The following GPC6 variants were observed in gnomAD, a reference collection of about 807,000 sequenced individuals.
The protein encoded by GPC6 is glypican-6.
GPC6 carries 14 observed loss-of-function variants against 55.2 expected under a neutral mutation model. The observed-to-expected ratio is 0.25, with a 90% CI of 0.17 to 0.40. The LOEUF (loss-of-function observed/expected upper bound fraction) is 0.40, where lower values mean the gene tolerates loss of function less well. Among genes scored for constraint, GPC6 ranks in the 10% least tolerant of loss-of-function variants. GPC6 has a pLI of 1.00. For missense variants in GPC6, 641 were observed against 708.5 expected, an observed-to-expected ratio of 0.90 and a Z score of 1.08; for synonymous variants, 278 against 259.6, an observed-to-expected ratio of 1.07 and a Z score of -0.68.
intron 5 of GPC6, among the ~76,000 whole-genome samples, chr13:94,295,136 A>C (rs1237854380): frequency 6.6e-6 from 1 of 152,190 alleles, no homozygotes; most frequent in Non-Finnish European, 1.5e-5. Flanking sequence ...TTTTGACATG[A>C]GACTGACATG....
At chr13:93,374,046 G>A (rs1874785226) in intron 1 of GPC6, among the ~76,000 whole-genome samples, 1 of 152,052 alleles carries the variant, frequency 6.6e-6, no homozygotes, top group South Asian at 2.1e-4. Flanking sequence ...GACATCTAGT[G>A]GATCATCAGA....
intron 1 of GPC6, among the ~76,000 whole-genome samples, chr13:93,444,746 T>C (rs1877939088): frequency 6.6e-6 from 1 of 152,262 alleles, no homozygotes; most frequent in African/African-American, 2.4e-5. Flanking sequence ...AAGCTTTGAA[T>C]ATCACATTGT....
At chr13:93,921,685 G>C (rs1029303771) in intron 3 of GPC6, among the ~76,000 whole-genome samples, 2 of 151,466 alleles carry the variant, frequency 1.3e-5, no homozygotes, top group African/African-American at 4.9e-5. Context: ...GGAGCCTGGG[G>C]CTTGGGGTTT....
chr13:93,225,697 T>G (rs1259975063), upstream of GPC6, among the ~76,000 whole-genome samples: 3 of 152,150 alleles, frequency 2.0e-5, no homozygotes, highest in African/African-American at 7.2e-5. Flanking sequence ...ACCTAATATG[T>G]TGTGATGATA....
intron 1 of GPC6, among the ~76,000 whole-genome samples, chr13:93,447,110 T>C (rs532075134): frequency 6.6e-6 from 1 of 152,098 alleles, no homozygotes; most frequent in African/African-American, 2.4e-5. Context: ...GGCTGCAGAC[T>C]GCTTTGCTAT....
chr13:94,286,191 G>T (rs1892524838), intron 4 of GPC6, among the ~76,000 whole-genome samples, 158 bp from the exon 5 acceptor site: 1 of 152,154 alleles, frequency 6.6e-6, no homozygotes, highest in African/African-American at 2.4e-5. Flanking sequence ...ATCGTCCTAA[G>T]ATTCAGTCAT....
chr13:93,742,120 T>A (rs750147051), intron 2 of GPC6, among the ~76,000 whole-genome samples: 2 of 152,214 alleles, frequency 1.3e-5, no homozygotes, highest in Non-Finnish European at 2.9e-5. Context: ...AGTTTGATAT[T>A]TGACATAAAT....
intron 2 of GPC6, among the ~76,000 whole-genome samples, chr13:93,557,666 C>A (rs1162638224): frequency 6.6e-6 from 1 of 152,108 alleles, no homozygotes; most frequent in Non-Finnish European, 1.5e-5. Flanking sequence ...TCCAAGTCCC[C>A]CTACAAATAG....
At chr13:93,411,679 A>G (rs1243469876) in intron 1 of GPC6, among the ~76,000 whole-genome samples, 1 of 152,164 alleles carries the variant, frequency 6.6e-6, no homozygotes. Context: ...ATTCATTGAC[A>G]AAGGTTCTAT....
At chr13:94,377,509 G>C (rs374886696) in intron 6 of GPC6, among the ~76,000 whole-genome samples, 3,172 of 146,620 alleles carry the variant, frequency 0.022, 37 homozygotes, top group Middle Eastern at 0.059. Flanking sequence ...CCATCTCACA[G>C]CAGTTAGAAT....
chr13:93,561,404 G>GAGATATATCTATATATATATATAT (rs968221822), intron 2 of GPC6, among the ~76,000 whole-genome samples: 1 of 104,666 alleles, frequency 9.6e-6, no homozygotes, highest in African/African-American at 4.2e-5. Flanking sequence ...TATCCCTATC[G>GAGATATATCTATATATATATATAT]ATATATATAT....
chr13:93,400,852 A>G (rs1876044642), intron 1 of GPC6, among the ~76,000 whole-genome samples: 1 of 152,176 alleles, frequency 6.6e-6, no homozygotes, highest in Admixed American at 6.5e-5. Flanking sequence ...GAGCTGGGGG[A>G]TGTGGGAAAG....
At chr13:93,504,079 T>C (rs1431713328) in intron 1 of GPC6, among the ~76,000 whole-genome samples, 1 of 152,094 alleles carries the variant, frequency 6.6e-6, no homozygotes, top group Non-Finnish European at 1.5e-5. Flanking sequence ...TTTCAAACTA[T>C]AAAGAAAGAG....
chr13:94,357,369 C>G (rs1336062300), intron 6 of GPC6, among the ~76,000 whole-genome samples: 1 of 152,190 alleles, frequency 6.6e-6, no homozygotes, highest in Non-Finnish European at 1.5e-5. Context: ...CAGAGAGACC[C>G]CTGTGGGAGC....
At chr13:94,340,237 A>G (rs1294167531) in intron 6 of GPC6, among the ~76,000 whole-genome samples, 1 of 152,166 alleles carries the variant, frequency 6.6e-6, no homozygotes, top group Admixed American at 6.5e-5. Flanking sequence ...AAATCATTTT[A>G]ATTGTGGAGT....
chr13:94,213,848 T>C (rs951912511), intron 4 of GPC6, among the ~76,000 whole-genome samples: 4 of 152,166 alleles, frequency 2.6e-5, no homozygotes, highest in African/African-American at 9.7e-5. Context: ...TGCTGCAAAT[T>C]ACATTGTAAG....
At chr13:93,520,706 A>G (rs1003005824) in intron 1 of GPC6, among the ~76,000 whole-genome samples, 1 of 151,972 alleles carries the variant, frequency 6.6e-6, no homozygotes, top group African/African-American at 2.4e-5. Flanking sequence ...TAGATAAAGT[A>G]GAAAACATAA....
intron 3 of GPC6, among the ~76,000 whole-genome samples, chr13:93,978,875 A>G (rs1409801593): frequency 6.6e-6 from 1 of 152,210 alleles, no homozygotes; most frequent in East Asian, 1.9e-4. Context: ...ACATGAACTA[A>G]TATTTCATTT....
In GPC6 at chr13:93,488,598, T is replaced by C. The variant is rs1217847898; in HGVS notation, c.161-56665T>C. On this transcript the variant is annotated intron_variant, in intron 1 of 8. Transcript: ENST00000377047. ...TACACTCCCACCAACAGTGTAAGAG[T>C]GTTCCTATTTCTCCACATCCTCTCC... Among the ~76,000 whole-genome samples the C allele has an allele frequency of 2.6e-5, 4 of 151,992 alleles. No homozygotes were observed. The South Asian group carries it at 6.2e-4, about 24-fold the overall frequency.
Sources: allele counts gnomAD v4.1 joint callset (sites outside exome capture counted in the v4.1 genomes callset), GRCh38; gene constraint gnomAD v4.1.1; transcripts MANE v1.5; gene names NCBI Gene and HGNC (gene_info 2026-07-23, HGNC 2026-07-21).